The following GIT2 variants were observed in gnomAD, a reference collection of about 807,000 sequenced individuals.
GIT2 encodes the protein ARF GTPase-activating protein GIT2.
Under a neutral mutation model 100.3 loss-of-function variants are expected in GIT2, and 32 were observed. The ratio of observed to expected loss-of-function variants is 0.32; its 90% CI spans 0.24 to 0.43. GIT2 has a LOEUF of 0.43. Ranked by LOEUF, GIT2 falls within the 20% of genes least tolerant of loss-of-function variation. The probability of loss-of-function intolerance (pLI) is 1.00; values close to 1 mark genes in which losing one functional copy is unlikely to be tolerated. For synonymous variants in GIT2, 353 were observed against 364.1 expected (o/e 0.97, Z 0.35); for missense variants, 737 against 975.1 (o/e 0.76, Z 3.25).
chr12:109,944,043 A>G (rs1038587534), intron 16 of GIT2, among the ~76,000 whole-genome samples: 3 of 152,150 alleles, frequency 2.0e-5, no homozygotes, highest in African/African-American at 7.2e-5. Context: ...ATGGTGGCGC[A>G]TGCCTGTAGG....
intron 12 of GIT2, 49 bp from the exon 13 acceptor site, chr12:109,953,283 T>TACCAAAACATTG: frequency 6.3e-7 from 1 of 1,592,202 alleles, no homozygotes; most frequent in Non-Finnish European, 8.6e-7. Flanking sequence ...ACATTGCTTT[T>TACCAAAACATTG]CTTCCAAAAA....
At position 109,933,946 on chromosome 12, in the gene GIT2, T is replaced by G. The variant is rs903841979; in HGVS notation, c.2067+76A>C. 2 of 841,168 alleles carry G rather than the reference T, an allele frequency of 2.4e-6. No homozygotes were observed. The highest frequency in any genetic ancestry group is 4.2e-6 in the Non-Finnish European group (2 of 475,420). The allele number at this position is 841,168 out of a possible 1,614,324, so 52.1% of individuals were successfully genotyped here. ...TGCATGTGCTACAAAAAAGCTAATG[T>G]AATATATAGGTCATAAAGAAATTTC... On this transcript the variant is annotated intron_variant, in intron 19 of 19. Coordinates refer to ENST00000355312, the MANE Select transcript of GIT2 (RefSeq NM_057169.5). This position sits in a 1 kb window ranked among gnomAD's most constrained non-coding sequence, Gnocchi z 4.5.
chr12:109,959,896 G>A lies in GIT2; in HGVS notation c.1050C>T (p.Leu350=), dbSNP rs781509934. The stretch of plus-strand genomic sequence containing the variant: ...CCTGCTGTCTCCTCTTGGCGTCACT[G>A]AGAATGTCAATGACCAGCGTGGCAA... ...HEFATLVIDI[L]SDAKRRQQGS... Residue 350 remains leucine, a synonymous_variant, in exon 12 of 20, where the codon CTC becomes CTT. Coordinates refer to ENST00000355312, the MANE Select transcript of GIT2 (RefSeq NM_057169.5). 6.2e-7 allele frequency: 1 copy of A among 1,613,878 alleles called. No homozygotes were observed. The highest frequency in any genetic ancestry group is 1.7e-5 in the Admixed American group (1 of 60,020).
chr12:109,967,462 C>A lies in GIT2; in HGVS notation c.760G>T (p.Asp254Tyr). The change falls in exon 8 of 20, where the codon GAC becomes TAC. Residue 254 changes from aspartate (D) to tyrosine (Y), a missense_variant. This residue lies in a region of GIT2 where 266 missense variants were observed against 376.2 expected (regional missense o/e 0.71). Transcript: ENST00000355312. ...CTGGTATTTCAATGAGCTTACCTGT[C>A]TGCCATTTGAGGTATTATAAAGTGC... ...GQHFIIPQMADSSLDLSELAK... is the reference protein window; with the variant it reads ...GQHFIIPQMAYSSLDLSELAK... The A allele has an allele frequency of 6.3e-7, 1 of 1,595,894 alleles. No homozygotes were observed. The highest frequency in any genetic ancestry group is 8.6e-7 in the Non-Finnish European group (1 of 1,163,584).
chr12:109,951,366 A>C, intron 13 of GIT2, 50 bp from the exon 14 acceptor site: 2 of 1,437,886 alleles, frequency 1.4e-6, no homozygotes, highest in Non-Finnish European at 1.9e-6. Context: ...CGAGAACATT[A>C]AAGACTAACA....
intron 15 of GIT2, among the ~76,000 whole-genome samples, chr12:109,946,246 AG>A (rs1259700945): frequency 6.6e-6 from 1 of 152,218 alleles, no homozygotes; most frequent in Non-Finnish European, 1.5e-5. Flanking sequence ...CTGAGATAAC[AG>A]ACTCCCAATT....
At chr12:109,946,411 A>G (rs1876367196) in intron 15 of GIT2, among the ~76,000 whole-genome samples, 1 of 152,190 alleles carries the variant, frequency 6.6e-6, no homozygotes, top group African/African-American at 2.4e-5. Flanking sequence ...AAACTTTGAC[A>G]CTCAAAAAGA....
intron 1 of GIT2, 63 bp downstream of exon 1, chr12:109,996,110 G>T: frequency 9.3e-7 from 1 of 1,075,118 alleles, no homozygotes; most frequent in Non-Finnish European, 1.3e-6. Flanking sequence ...TGAGGGGGCG[G>T]CCCCGGGGTA....
At chr12:109,970,285 C>T (rs1346159910) in intron 7 of GIT2, among the ~76,000 whole-genome samples, 1 of 151,892 alleles carries the variant, frequency 6.6e-6, no homozygotes, top group Non-Finnish European at 1.5e-5. Context: ...CGAGGTCAGG[C>T]GACCAACACC....
In GIT2 at chr12:109,933,584, C is replaced by T. The variant is rs906265437; in HGVS notation, c.2068-394G>A. On this transcript the variant is annotated intron_variant, in intron 19 of 19. Transcript: ENST00000355312. This position sits in a 1 kb window ranked among gnomAD's most constrained non-coding sequence, Gnocchi z 4.5. ...AACAAAAATATTTCAAAGCTCTATACGACTGCATATTTTATTTTATTTTAC... is the reference window on the plus strand; with the variant it reads ...AACAAAAATATTTCAAAGCTCTATATGACTGCATATTTTATTTTATTTTAC... The T allele has an allele frequency of 3.2e-5, 7 of 218,304 alleles. No individual in the cohort carries two copies. Among genetic ancestry groups the T allele is most frequent in the South Asian group, 1.7e-4 (2 of 11,444 alleles). The allele number at this position is 218,304 out of a possible 1,614,324, so 13.5% of individuals were successfully genotyped here. A position where few individuals can be genotyped will look rare whatever the true frequency, so the allele number is the denominator to read the frequency against.
chr12:109,975,284 G>A (rs1884788329), intron 7 of GIT2, among the ~76,000 whole-genome samples: 2 of 152,038 alleles, frequency 1.3e-5, no homozygotes, highest in Admixed American at 6.6e-5. Context: ...ACTCACTGCA[G>A]ACTTGACCTC....
chr12:109,976,084 T>C (rs925382978), intron 7 of GIT2, among the ~76,000 whole-genome samples: 1 of 149,160 alleles, frequency 6.7e-6, no homozygotes. Flanking sequence ...CTTCTTTCAG[T>C]GGTTATGGTA....
Position 109,947,186 on chromosome 12 carries a change from G to A in GIT2, c.1641+70C>T. 1 of 1,480,814 alleles carries A rather than the reference G, an allele frequency of 6.8e-7. No homozygotes were observed. Among genetic ancestry groups the A allele is most frequent in the Non-Finnish European group, 9.2e-7 (1 of 1,085,534 alleles). 91.7% of individuals were successfully genotyped at this position (1,480,814 alleles called of 1,614,324 possible). On this transcript the variant is annotated intron_variant, in intron 15 of 19. Transcript: ENST00000355312. This position sits in a 1 kb window ranked among gnomAD's most constrained non-coding sequence, Gnocchi z 4.3. The stretch of plus-strand genomic sequence containing the variant: ...AAAGCAGAGCTGTGGGGACCTGTAG[G>A]TTCAGAAGAGGGAACAGAGTAGACA...
Position 109,939,254 on chromosome 12 carries a change from G to C in GIT2, c.1732-7C>G. ...GCTTCTCCAGCCTGGATGCCTACAAGAAAGAAGAGGGACCCTCATGAGTTT... is the reference window on the plus strand; with the variant it reads ...GCTTCTCCAGCCTGGATGCCTACAACAAAGAAGAGGGACCCTCATGAGTTT... On this transcript the variant is annotated splice_region_variant and splice_polypyrimidine_tract_variant and intron_variant, in intron 16 of 19. Coordinates refer to ENST00000355312, the MANE Select transcript of GIT2 (RefSeq NM_057169.5). 1.3e-6 allele frequency: 2 copies of C among 1,525,446 alleles called. No individual in the cohort carries two copies. Among genetic ancestry groups the C allele is most frequent in the Non-Finnish European group, 1.8e-6 (2 of 1,099,440 alleles). 94.5% of individuals were successfully genotyped at this position (1,525,446 alleles called of 1,614,324 possible).
At chr12:109,950,000 C>A (rs1308055124) in intron 14 of GIT2, among the ~76,000 whole-genome samples, 2 of 152,222 alleles carry the variant, frequency 1.3e-5, no homozygotes, top group Admixed American at 6.5e-5. Context: ...CTGGGAGACA[C>A]AGAACAAGTG....
At chr12:109,957,751 C>A (rs147646038) in intron 12 of GIT2, among the ~76,000 whole-genome samples, 1,714 of 152,128 alleles carry the variant, frequency 0.011, 11 homozygotes, top group South Asian at 0.02. Flanking sequence ...CGTGATCCGC[C>A]TGCCTTGGCC....
At chr12:109,983,189 T>A (rs1886668649) in intron 6 of GIT2, 184 bp downstream of exon 6, 1 of 561,508 alleles carries the variant, frequency 1.8e-6, no homozygotes, top group East Asian at 3.0e-5. Context: ...GGTTCATGAT[T>A]CTAGCCTTCC....
intron 12 of GIT2, among the ~76,000 whole-genome samples, chr12:109,958,784 AC>A (rs894127900): frequency 6.6e-6 from 1 of 152,180 alleles, no homozygotes; most frequent in African/African-American, 2.4e-5. Flanking sequence ...ACAATGAAAA[AC>A]GTCTAATTTC....
At chr12:109,981,454 G>C (rs757188728) in intron 6 of GIT2, 1 of 190,194 alleles carries the variant, frequency 5.3e-6, no homozygotes, top group African/African-American at 2.4e-5. Flanking sequence ...AATCAATGGG[G>C]ACAGGATGGG....
Sources: allele counts gnomAD v4.1 joint callset (sites outside exome capture counted in the v4.1 genomes callset), GRCh38; gene constraint gnomAD v4.1.1; regional missense constraint gnomAD v4.1.1; non-coding constraint Gnocchi (gnomAD v3.1); transcripts MANE v1.5; gene names NCBI Gene and HGNC (gene_info 2026-07-23, HGNC 2026-07-21).